PRKG1: variants seen among roughly 807,000 people sequenced by gnomAD.
PRKG1 encodes protein kinase cGMP-dependent 1.
In PRKG1, 35 loss-of-function variants were observed where a neutral mutation model predicts 88.1. The ratio of observed to expected loss-of-function variants is 0.40; its 90% confidence interval spans 0.30 to 0.53. PRKG1 has a LOEUF of 0.53. Among genes scored for constraint, PRKG1 ranks in the 20% least tolerant of loss-of-function variants. PRKG1 has a pLI of 0.59. For synonymous variants in PRKG1, 303 were observed against 292.5 expected, an observed-to-expected ratio of 1.04 and a Z score of -0.37; for missense variants, 540 against 839.8, an observed-to-expected ratio of 0.64 and a Z score of 4.41.
At chr10:51,214,845 G>T (rs1411210206) in intron 2 of PRKG1, among the ~76,000 whole-genome samples, 4 of 152,128 alleles carry the variant, frequency 2.6e-5, no homozygotes, top group African/African-American at 9.7e-5. Context: ...CTTTACATGA[G>T]CACGTGGATT....
intron 5 of PRKG1, among the ~76,000 whole-genome samples, chr10:51,921,591 A>G (rs1311555122): frequency 6.6e-6 from 1 of 152,006 alleles, no homozygotes; most frequent in Non-Finnish European, 1.5e-5. Context: ...ACTTACCCCT[A>G]TTCTTAGTTT....
In PRKG1 at chr10:52,269,297, G is replaced by T. The variant is rs140798316; in HGVS notation, c.1174-2053G>T. Reference sequence around the variant, plus strand: ...CTTTTAGAAGTGAGTTTTCACATTTGGTGTTTTATTTTGAGTTACTACTGA... The same window carrying T: ...CTTTTAGAAGTGAGTTTTCACATTTTGTGTTTTATTTTGAGTTACTACTGA... On this transcript the variant is annotated intron_variant, in intron 10 of 17. Coordinates refer to ENST00000373980, the MANE Select transcript of PRKG1 (RefSeq NM_006258.4). 3.9e-3 allele frequency among the ~76,000 whole-genome samples: 595 copies of T among 152,092 alleles called. 6 individuals are homozygous for T. Among genetic ancestry groups the T allele is most frequent in the African/African-American group, 0.012 (503 of 41,496 alleles).
chr10:51,781,927 C>A (rs1460587244), intron 3 of PRKG1, among the ~76,000 whole-genome samples: 2 of 151,638 alleles, frequency 1.3e-5, no homozygotes, highest in African/African-American at 4.8e-5. Flanking sequence ...CGTTCCCCCT[C>A]ACTTCAGCCC....
intron 4 of PRKG1, among the ~76,000 whole-genome samples, chr10:51,820,863 C>T (rs1396340049): frequency 6.6e-6 from 1 of 152,094 alleles, no homozygotes; most frequent in African/African-American, 2.4e-5. Flanking sequence ...TTTTTTATTT[C>T]AGTATATCAG....
chr10:51,061,104 T>C (rs925560086), intron 1 of PRKG1, among the ~76,000 whole-genome samples: 4 of 146,462 alleles, frequency 2.7e-5, no homozygotes, highest in Non-Finnish European at 6.1e-5. Flanking sequence ...TCTGTTCTCA[T>C]GCTGCTAATA....
chr10:51,024,973 C>G (rs1169370249), intron 1 of PRKG1, among the ~76,000 whole-genome samples: 1 of 152,164 alleles, frequency 6.6e-6, no homozygotes, highest in Non-Finnish European at 1.5e-5. Flanking sequence ...AAATCCTGAG[C>G]TCCTGTGTGC....
chr10:51,576,777 A>G (rs12243995), intron 3 of PRKG1, among the ~76,000 whole-genome samples: 1 of 141,208 alleles, frequency 7.1e-6, no homozygotes, highest in Non-Finnish European at 1.5e-5. Context: ...GGATGGAATT[A>G]TTTTCTTTTT....
intron 1 of PRKG1, among the ~76,000 whole-genome samples, chr10:51,103,558 T>A (rs1844739158): frequency 6.6e-6 from 1 of 152,130 alleles, no homozygotes; most frequent in African/African-American, 2.4e-5. Flanking sequence ...TCTCAAAAAT[T>A]TTACCTACTT....
chr10:52,070,467 T>C (rs1846468618), intron 7 of PRKG1, among the ~76,000 whole-genome samples: 1 of 152,258 alleles, frequency 6.6e-6, no homozygotes, highest in African/African-American at 2.4e-5. Context: ...GGTACAGATA[T>C]ATTTATCAAT....
chr10:51,749,701 A>G (rs942808254), intron 3 of PRKG1, among the ~76,000 whole-genome samples: 15 of 152,186 alleles, frequency 9.9e-5, no homozygotes, highest in African/African-American at 3.6e-4. Flanking sequence ...TGATTAGACA[A>G]TAACATCAGT....
chr10:52,153,390 A>T (rs1055389568), intron 8 of PRKG1, among the ~76,000 whole-genome samples: 5 of 152,260 alleles, frequency 3.3e-5, no homozygotes, highest in Admixed American at 1.3e-4. Flanking sequence ...AATAAGGAAG[A>T]TAATGGCTAT....
intron 6 of PRKG1, among the ~76,000 whole-genome samples, chr10:52,062,138 A>C (rs10824007): frequency 0.37 from 56,134 of 151,848 alleles, 10,875 homozygotes; most frequent in East Asian, 0.61. Context: ...AGTAAGTTGC[A>C]GAATGAGGAA....
At chr10:52,266,412 C>T (rs921603897) in intron 10 of PRKG1, among the ~76,000 whole-genome samples, 3 of 151,810 alleles carry the variant, frequency 2.0e-5, no homozygotes, top group Non-Finnish European at 2.9e-5. Context: ...GTTGTTCCTC[C>T]CCCTGTGTCC....
intron 3 of PRKG1, among the ~76,000 whole-genome samples, chr10:51,704,832 G>A (rs1229709506): frequency 6.6e-6 from 1 of 152,188 alleles, no homozygotes; most frequent in Non-Finnish European, 1.5e-5. Flanking sequence ...GTGAGAGTCA[G>A]TAGGCTTCCT....
At chr10:52,164,692 A>G (rs1008276325) in intron 9 of PRKG1, among the ~76,000 whole-genome samples, 2 of 152,188 alleles carry the variant, frequency 1.3e-5, no homozygotes, top group Non-Finnish European at 2.9e-5. Flanking sequence ...AAATATTGCT[A>G]TTTGAAACCA....
intron 2 of PRKG1, among the ~76,000 whole-genome samples, chr10:51,287,901 C>T (rs2132216503): frequency 6.6e-6 from 1 of 152,202 alleles, no homozygotes; most frequent in East Asian, 1.9e-4. Context: ...ACTCCTACAG[C>T]ATAAGATAAT....
At chr10:52,084,092 G>A (rs942847874) in intron 7 of PRKG1, among the ~76,000 whole-genome samples, 15 of 151,990 alleles carry the variant, frequency 9.9e-5, no homozygotes, top group African/African-American at 1.7e-4. Flanking sequence ...GGGAAATAGC[G>A]GATTTTAATA....
At chr10:51,847,181 C>T (rs930599896) in intron 4 of PRKG1, among the ~76,000 whole-genome samples, 2 of 152,112 alleles carry the variant, frequency 1.3e-5, no homozygotes, top group East Asian at 3.9e-4. Flanking sequence ...CTAACTCTAA[C>T]ATTTTGTGTT....
At chr10:51,531,312 A>G (rs1160078244) in intron 3 of PRKG1, among the ~76,000 whole-genome samples, 1 of 152,196 alleles carries the variant, frequency 6.6e-6, no homozygotes, top group African/African-American at 2.4e-5. Context: ...TCTTGACGGT[A>G]ACAATCAGCA....
Sources: gnomAD v4.1 joint callset for allele counts (sites outside exome capture counted in the v4.1 genomes callset) on GRCh38, gnomAD v4.1.1 for gene constraint, MANE v1.5 for transcripts, NCBI Gene and HGNC (gene_info 2026-07-23, HGNC 2026-07-21) for gene names.